Variants in DPP6 observed in about 807,000 individuals in gnomAD.
DPP6 encodes the protein A-type potassium channel modulatory protein DPP6.
Under a neutral mutation model 122.6 loss-of-function variants are expected in DPP6, and 69 were observed. The ratio of observed to expected loss-of-function variants is 0.56; its 90% CI spans 0.46 to 0.69. DPP6 has a LOEUF of 0.69. Among genes scored for constraint, DPP6 ranks in the 30% least tolerant of loss-of-function variants. The probability of loss-of-function intolerance (pLI) is 0.00; values close to 1 mark genes in which losing one functional copy is unlikely to be tolerated. For missense variants in DPP6, 928 were observed against 1,116.9 expected (o/e 0.83, Z 2.41); for synonymous variants, 418 against 433.1 (o/e 0.97, Z 0.43).
chr7:153,902,737 G>A (rs929672096), intron 1 of DPP6, among the ~76,000 whole-genome samples: 9 of 152,104 alleles, frequency 5.9e-5, no homozygotes, highest in Admixed American at 2.6e-4. Context: ...TTGGGAGGTT[G>A]AGGCAGGAGT....
intron 4 of DPP6, among the ~76,000 whole-genome samples, chr7:154,541,278 G>T (rs971781188): frequency 2.6e-5 from 4 of 152,234 alleles, no homozygotes; most frequent in Non-Finnish European, 5.9e-5. Flanking sequence ...CTACAGGCGT[G>T]TGCCGCCGTG....
At chr7:153,760,576 T>C in the DPP6 span, among the ~76,000 whole-genome samples, 1 of 152,190 alleles carries the variant, frequency 6.6e-6, no homozygotes. Context: ...TTCCTTCAGG[T>C]CTAGCTTTAA....
In DPP6 at chr7:154,892,515, C is replaced by G. The variant is rs371360015; in HGVS notation, c.*35C>G. ...GCTCTAAGCACAAACGTGGCTCTTT[C>G]TACAACCAGATGCAACCGAGGGATT... is the stretch of plus-strand genomic sequence containing the variant. On this transcript the variant is annotated 3_prime_UTR_variant, in exon 26 of 26. Coordinates refer to ENST00000377770, the MANE Select transcript of DPP6 (RefSeq NM_130797.4). 47 of 1,558,750 alleles carry G rather than the reference C, an allele frequency of 3.0e-5. 1 individual carries two copies. The South Asian group carries it at 4.0e-4, about 13-fold the overall frequency.
intron 7 of DPP6, among the ~76,000 whole-genome samples, chr7:154,705,929 G>T (rs7777884): frequency 0.043 from 6,541 of 152,266 alleles, 465 homozygotes; most frequent in African/African-American, 0.15. Flanking sequence ...AGTTTCCTGC[G>T]TAGAAGGGTT....
intron 1 of DPP6, among the ~76,000 whole-genome samples, chr7:154,212,518 T>C (rs979605333): frequency 6.6e-6 from 1 of 152,174 alleles, no homozygotes; most frequent in Non-Finnish European, 1.5e-5. Context: ...ATTCCAGTGC[T>C]GGGGGTCCCT....
intron 1 of DPP6, among the ~76,000 whole-genome samples, chr7:154,055,060 A>C (rs1273398054): frequency 1.3e-5 from 2 of 149,672 alleles, no homozygotes; most frequent in African/African-American, 2.5e-5. Flanking sequence ...TCTAAACAGC[A>C]TCTCTAACTT....
the DPP6 span, among the ~76,000 whole-genome samples, chr7:153,835,796 T>C: frequency 6.6e-6 from 1 of 152,148 alleles, no homozygotes; most frequent in African/African-American, 2.4e-5. Context: ...AAAGGGGGTG[T>C]TACGGAGGCA....
rs765744401 is a variant in DPP6, at chr7:154,588,108, A to T, written c.627+21192A>T. ...GAGCCTTGCAGCCTCTGCTGCCAGC[A>T]CAGGCTTGTTCCTTCAACACTGGTG... is the stretch of plus-strand genomic sequence containing the variant. On this transcript the variant is annotated intron_variant, in intron 5 of 25. Coordinates refer to ENST00000377770, the MANE Select transcript of DPP6 (RefSeq NM_130797.4). 1.9e-6 allele frequency: 3 copies of T among 1,588,074 alleles called. No individual in the cohort carries two copies. In the East Asian group the frequency reaches 6.7e-5, roughly 36 times the overall value.
At chr7:154,752,151 T>C (rs1563170745) in intron 8 of DPP6, among the ~76,000 whole-genome samples, 1 of 152,068 alleles carries the variant, frequency 6.6e-6, no homozygotes, top group Non-Finnish European at 1.5e-5. Context: ...TCTGCTTGGG[T>C]GGGGGAGCCG....
intron 1 of DPP6, among the ~76,000 whole-genome samples, chr7:154,443,372 G>T (rs779844289): frequency 6.6e-6 from 1 of 152,056 alleles, no homozygotes; most frequent in Non-Finnish European, 1.5e-5. Flanking sequence ...AAAAATGAAA[G>T]CCATTCAACT....
intron 1 of DPP6, among the ~76,000 whole-genome samples, chr7:154,078,575 C>A (rs1414732998): frequency 6.6e-6 from 1 of 151,896 alleles, no homozygotes; most frequent in Non-Finnish European, 1.5e-5. Context: ...TAGAGCTCAA[C>A]AAAGCACTTA....
intron 1 of DPP6, among the ~76,000 whole-genome samples, chr7:153,957,304 G>T (rs1181266570): frequency 1.3e-5 from 2 of 152,136 alleles, no homozygotes; most frequent in Non-Finnish European, 2.9e-5. Flanking sequence ...AACCCTCCCC[G>T]CTCACTAGCA....
At chr7:154,474,700 T>C (rs925586904) in intron 2 of DPP6, among the ~76,000 whole-genome samples, 1 of 152,156 alleles carries the variant, frequency 6.6e-6, no homozygotes, top group African/African-American at 2.4e-5. Flanking sequence ...ATCACTTACA[T>C]GCTGCAGGTG....
chr7:154,284,771 CT>C (rs1234651497), intron 1 of DPP6, among the ~76,000 whole-genome samples: 15 of 152,326 alleles, frequency 9.8e-5, no homozygotes, highest in Admixed American at 4.6e-4. Context: ...AGGAGAATTG[CT>C]TGAACACAGG....
At chr7:154,188,763 G>A (rs1246515175) in intron 1 of DPP6, among the ~76,000 whole-genome samples, 2 of 152,282 alleles carry the variant, frequency 1.3e-5, no homozygotes, top group East Asian at 3.9e-4. Flanking sequence ...TGTGCAACAA[G>A]CCTCTATGTA....
chr7:154,132,419 C>T (rs1795330442), intron 1 of DPP6, among the ~76,000 whole-genome samples: 1 of 152,122 alleles, frequency 6.6e-6, no homozygotes, highest in African/African-American at 2.4e-5. Context: ...CACCATCCAC[C>T]ACTGCTCATG....
chr7:153,915,528 G>T (rs559387801), intron 1 of DPP6, among the ~76,000 whole-genome samples: 4 of 152,184 alleles, frequency 2.6e-5, no homozygotes, highest in Non-Finnish European at 5.9e-5. Flanking sequence ...TTCTAACACC[G>T]AAGTGAAATT....
chr7:154,281,579 T>C (rs548003068), intron 1 of DPP6, among the ~76,000 whole-genome samples: 104 of 152,256 alleles, frequency 6.8e-4, no homozygotes, highest in African/African-American at 2.4e-3. Context: ...AAAAATCAAA[T>C]ATAGCAACAA....
At chr7:154,792,225 T>C (rs977157789) in intron 10 of DPP6, among the ~76,000 whole-genome samples, 4 of 152,238 alleles carry the variant, frequency 2.6e-5, no homozygotes, top group Non-Finnish European at 5.9e-5. Flanking sequence ...ATTGTGGACA[T>C]GGAATCTTGC....
Sources: gnomAD v4.1 joint callset for allele counts (sites outside exome capture counted in the v4.1 genomes callset) on GRCh38, gnomAD v4.1.1 for gene constraint, MANE v1.5 for transcripts, NCBI Gene and HGNC (gene_info 2026-07-23, HGNC 2026-07-21) for gene names.